The following CCBE1 variants were observed in gnomAD, a reference collection of about 807,000 sequenced individuals.
The protein encoded by CCBE1 is collagen and calcium-binding EGF domain-containing protein 1.
A neutral mutation model predicts 50.0 loss-of-function variants in CCBE1; 37 were observed. That is an observed-to-expected ratio of 0.74 (90% confidence interval 0.57 to 0.97). CCBE1 has a LOEUF of 0.97. CCBE1 is among the 50% of genes least tolerant of loss of function. The pLI, the probability that CCBE1 is intolerant of heterozygous loss-of-function variation, is 0.00. For synonymous variants in CCBE1, 234 were observed against 203.7 expected (o/e 1.15, Z -1.27); for missense variants, 538 against 523.8 (o/e 1.03, Z -0.26).
At chr18:59,574,248 A>G (rs2052958089) in intron 2 of CCBE1, among the ~76,000 whole-genome samples, 1 of 152,226 alleles carries the variant, frequency 6.6e-6, no homozygotes. Context: ...CCACAGTGCA[A>G]TATTTTCAAA....
intron 2 of CCBE1, among the ~76,000 whole-genome samples, chr18:59,684,090 G>A (rs902734876): frequency 4.6e-5 from 7 of 152,144 alleles, no homozygotes; most frequent in East Asian, 3.9e-4. Context: ...TCTAAACACT[G>A]AGGGTTTCTG....
intron 2 of CCBE1, among the ~76,000 whole-genome samples, chr18:59,571,902 G>A (rs1272775319): frequency 6.6e-6 from 1 of 152,180 alleles, no homozygotes; most frequent in Non-Finnish European, 1.5e-5. Context: ...ATTTTAACGA[G>A]AGCTGGTGGC....
At chr18:59,487,841 T>G (rs1446101160) in intron 2 of CCBE1, among the ~76,000 whole-genome samples, 3 of 152,212 alleles carry the variant, frequency 2.0e-5, no homozygotes. Flanking sequence ...ACTCCACTAA[T>G]GGATATGTAG....
intron 2 of CCBE1, among the ~76,000 whole-genome samples, chr18:59,636,686 C>A (rs2053921316): frequency 1.3e-5 from 2 of 152,274 alleles, no homozygotes; most frequent in Admixed American, 1.3e-4. Context: ...GATCCTCACA[C>A]TAAAGGAAAG....
intron 6 of CCBE1, among the ~76,000 whole-genome samples, chr18:59,453,742 T>G (rs945429113): frequency 1.8e-4 from 28 of 152,304 alleles, no homozygotes; most frequent in Admixed American, 1.5e-3. Flanking sequence ...GAGCCTTGAC[T>G]GGAAGCCGTT....
chr18:59,678,215 A>T (rs2054534387), intron 2 of CCBE1, among the ~76,000 whole-genome samples: 1 of 152,248 alleles, frequency 6.6e-6, no homozygotes, highest in Non-Finnish European at 1.5e-5. Flanking sequence ...AGTTTCTTAC[A>T]GCGATGGAGG....
At chr18:59,485,350 A>G (rs957330861) in intron 2 of CCBE1, among the ~76,000 whole-genome samples, 22 of 152,186 alleles carry the variant, frequency 1.4e-4, no homozygotes, top group African/African-American at 5.3e-4. Flanking sequence ...CTACATCAGA[A>G]AAATGAAGAT....
chr18:59,543,710 C>G (rs1307127744), intron 2 of CCBE1, among the ~76,000 whole-genome samples: 1 of 152,002 alleles, frequency 6.6e-6, no homozygotes, highest in Non-Finnish European at 1.5e-5. Flanking sequence ...TGGCGGGCGC[C>G]TGTAGTCCCA....
chr18:59,460,481 G>C (rs916437204), intron 5 of CCBE1, among the ~76,000 whole-genome samples: 3 of 152,208 alleles, frequency 2.0e-5, no homozygotes, highest in Non-Finnish European at 4.4e-5. Context: ...ATCAGCTTCT[G>C]ATGTTCCGGA....
At chr18:59,585,358 T>A (rs1470869478) in intron 2 of CCBE1, among the ~76,000 whole-genome samples, 1 of 152,136 alleles carries the variant, frequency 6.6e-6, no homozygotes, top group Non-Finnish European at 1.5e-5. Context: ...CCATTTTACA[T>A]TTATTTGGTG....
intron 5 of CCBE1, 33 bp downstream of exon 5, chr18:59,466,706 A>G: frequency 1.3e-6 from 2 of 1,551,612 alleles, no homozygotes; most frequent in Non-Finnish European, 1.8e-6. Context: ...AAAAATATGT[A>G]ATTAGGGAGA....
chr18:59,557,480 A>T (rs1450845900), intron 2 of CCBE1, among the ~76,000 whole-genome samples: 1 of 152,060 alleles, frequency 6.6e-6, no homozygotes, highest in Non-Finnish European at 1.5e-5. Context: ...CACCCAAGTA[A>T]CAGAAGGATC....
chr18:59,524,158 T>C (rs980607529), intron 2 of CCBE1, among the ~76,000 whole-genome samples: 56 of 152,094 alleles, frequency 3.7e-4, no homozygotes, highest in African/African-American at 1.3e-3. Flanking sequence ...GCGTTTCCAC[T>C]AAAAATATAA....
At chr18:59,436,855 C>T (rs1301458358) in intron 10 of CCBE1, among the ~76,000 whole-genome samples, 1 of 151,956 alleles carries the variant, frequency 6.6e-6, no homozygotes, top group South Asian at 2.1e-4. Context: ...ACCTGTGGAC[C>T]CAGCTACTTG....
intron 2 of CCBE1, among the ~76,000 whole-genome samples, chr18:59,640,904 T>A (rs938974390): frequency 3.3e-5 from 5 of 152,080 alleles, no homozygotes; most frequent in African/African-American, 1.2e-4. Flanking sequence ...ACATCCCTCA[T>A]CAGAGAGTTG....
At chr18:59,473,563 A>C (rs1912139665) in intron 3 of CCBE1, among the ~76,000 whole-genome samples, 1 of 110,398 alleles carries the variant, frequency 9.1e-6, no homozygotes, top group South Asian at 3.7e-4. Flanking sequence ...CTTTATGTCT[A>C]ATATTCTCAT....
intron 2 of CCBE1, among the ~76,000 whole-genome samples, chr18:59,550,998 CAAAA>C (rs555160847): frequency 3.1e-4 from 22 of 71,354 alleles, no homozygotes; most frequent in African/African-American, 1.2e-3. Flanking sequence ...CAGCGAGACT[CAAAA>C]AAAAAAAAAA....
chr18:59,533,611 A>G (rs1202888438), intron 2 of CCBE1, among the ~76,000 whole-genome samples: 1 of 152,230 alleles, frequency 6.6e-6, no homozygotes, highest in Non-Finnish European at 1.5e-5. Context: ...ATACACATAG[A>G]AACTAGCACA....
chr18:59,610,428 C>T (rs1002584168), intron 2 of CCBE1, among the ~76,000 whole-genome samples: 3 of 151,628 alleles, frequency 2.0e-5, no homozygotes, highest in African/African-American at 7.3e-5. Context: ...CCCAAATACC[C>T]CAATAAAGTA....
Sources: gnomAD v4.1 joint callset for allele counts (sites outside exome capture counted in the v4.1 genomes callset) on GRCh38, gnomAD v4.1.1 for gene constraint, MANE v1.5 for transcripts, NCBI Gene and HGNC (gene_info 2026-07-23, HGNC 2026-07-21) for gene names.